Variants in UBE2G1 observed in about 807,000 individuals in gnomAD.
UBE2G1 encodes ubiquitin conjugating enzyme E2 G1.
UBE2G1 carries 5 observed loss-of-function variants against 22.7 expected under a neutral mutation model. That is an observed-to-expected ratio of 0.22 (90% CI 0.12 to 0.46). UBE2G1 has a LOEUF of 0.46. Among genes scored for constraint, UBE2G1 ranks in the 20% least tolerant of loss-of-function variants. The pLI is 0.99. For synonymous variants in UBE2G1, 74 were observed against 67.5 expected, an observed-to-expected ratio of 1.10 and a Z score of -0.47; for missense variants, 88 against 203.9, an observed-to-expected ratio of 0.43 and a Z score of 3.46.
At chr17:4,274,141 C>A (rs1380755993) in intron 5 of UBE2G1, among the ~76,000 whole-genome samples, 3 of 150,236 alleles carry the variant, frequency 2.0e-5, no homozygotes, top group Non-Finnish European at 4.4e-5. Context: ...CCACCACACC[C>A]GGCTAATTTA....
intron 3 of UBE2G1, among the ~76,000 whole-genome samples, chr17:4,290,490 G>A (rs1331773525): frequency 6.6e-6 from 1 of 151,894 alleles, no homozygotes; most frequent in East Asian, 1.9e-4. Context: ...TTGGTTTTTT[G>A]AGACAGGGCC....
chr17:4,289,058 GTAAA>G (rs778575088), intron 4 of UBE2G1, among the ~76,000 whole-genome samples, 168 bp downstream of exon 4: 11 of 151,078 alleles, frequency 7.3e-5, no homozygotes, highest in African/African-American at 4.9e-5. Flanking sequence ...AAATAAATAC[GTAAA>G]TAAATATATT....
intron 3 of UBE2G1, among the ~76,000 whole-genome samples, chr17:4,293,318 C>G (rs1969066532): frequency 6.6e-6 from 1 of 152,180 alleles, no homozygotes; most frequent in Admixed American, 6.5e-5. Flanking sequence ...ATCACTACTT[C>G]ATTTCTTTCT....
intron 1 of UBE2G1, among the ~76,000 whole-genome samples, chr17:4,362,831 C>T (rs1420349998): frequency 6.6e-6 from 1 of 152,124 alleles, no homozygotes; most frequent in Non-Finnish European, 1.5e-5. Context: ...CACTGCGCTC[C>T]AGTCTGGGTG....
At chr17:4,338,867 T>C (rs193002841) in intron 1 of UBE2G1, among the ~76,000 whole-genome samples, 4 of 152,262 alleles carry the variant, frequency 2.6e-5, no homozygotes, top group African/African-American at 7.2e-5. Context: ...CTTCAGCGGC[T>C]AGATAACCAA....
chr17:4,282,772 A>C, intron 5 of UBE2G1, 26 bp downstream of exon 5: 1 of 1,480,544 alleles, frequency 6.8e-7, no homozygotes, highest in Non-Finnish European at 9.2e-7. Context: ...AAAAAAACAA[A>C]AGTATGATAT....
At chr17:4,337,339 GA>G (rs113312717) in intron 1 of UBE2G1, among the ~76,000 whole-genome samples, 3 of 143,988 alleles carry the variant, frequency 2.1e-5, no homozygotes, top group African/African-American at 7.8e-5. Flanking sequence ...AAAAAGAAAA[GA>G]AAAGAAAGAA....
intron 1 of UBE2G1, among the ~76,000 whole-genome samples, chr17:4,362,265 G>C (rs1969977798): frequency 3.3e-5 from 5 of 152,060 alleles, no homozygotes; most frequent in Admixed American, 2.6e-4. Context: ...AATCTGTTAG[G>C]TGTCTTTATT....
intron 1 of UBE2G1, among the ~76,000 whole-genome samples, chr17:4,362,181 C>T (rs1279036240): frequency 1.3e-5 from 2 of 152,038 alleles, no homozygotes; most frequent in African/African-American, 2.4e-5. Context: ...GAATTGCCAC[C>T]GCTCAATTTG....
rs994626106 is a variant in UBE2G1, at chr17:4,271,746, T to G, written c.*808A>C. On this transcript the variant is annotated 3_prime_UTR_variant, in exon 6 of 6. Transcript: ENST00000396981. ...ATTGTTTGGGGAAATTTTCAGTAAG[T>G]TGAATTAAGAACCATCTATTTTTAG... The G allele has an allele frequency of 3.4e-5, 5 of 148,750 alleles. No homozygotes were observed. Among genetic ancestry groups the G allele is most frequent in the African/African-American group, 1.2e-4 (5 of 40,130 alleles). The allele number at this position is 148,750 out of a possible 1,614,324, so 9.2% of individuals were successfully genotyped here.
At chr17:4,325,235 T>C (rs574472587) in intron 1 of UBE2G1, among the ~76,000 whole-genome samples, 62 of 152,262 alleles carry the variant, frequency 4.1e-4, no homozygotes, top group African/African-American at 1.1e-3. Flanking sequence ...TCTAAACCCA[T>C]AGAATGTACA....
At chr17:4,361,698 G>A (rs928473617) in intron 1 of UBE2G1, among the ~76,000 whole-genome samples, 8 of 151,782 alleles carry the variant, frequency 5.3e-5, no homozygotes, top group Admixed American at 1.3e-4. Context: ...CAGCACTTTC[G>A]TAAGCTGAGG....
At chr17:4,323,997 G>A (rs891151293) in intron 1 of UBE2G1, among the ~76,000 whole-genome samples, 7 of 152,164 alleles carry the variant, frequency 4.6e-5, no homozygotes, top group Non-Finnish European at 8.8e-5. Flanking sequence ...AAAGGTCACT[G>A]GAGAACAGAA....
intron 1 of UBE2G1, among the ~76,000 whole-genome samples, chr17:4,319,957 A>C (rs760400385): frequency 6.6e-6 from 1 of 151,954 alleles, no homozygotes; most frequent in Admixed American, 6.6e-5. Flanking sequence ...CATGAATGCT[A>C]TAAGCTTTTA....
chr17:4,337,966 C>G (rs904309424), intron 1 of UBE2G1, among the ~76,000 whole-genome samples: 1 of 151,856 alleles, frequency 6.6e-6, no homozygotes, highest in African/African-American at 2.4e-5. Flanking sequence ...GTCAGGAGAT[C>G]AAGACCATCC....
At chr17:4,363,165 T>C (rs1215793046) in intron 1 of UBE2G1, among the ~76,000 whole-genome samples, 1 of 152,220 alleles carries the variant, frequency 6.6e-6, no homozygotes, top group Non-Finnish European at 1.5e-5. Context: ...TGTGTAGTTA[T>C]CGAATCTTTC....
At chr17:4,281,434 G>GGACA (rs1968890425) in intron 5 of UBE2G1, among the ~76,000 whole-genome samples, 1 of 152,124 alleles carries the variant, frequency 6.6e-6, no homozygotes, top group African/African-American at 2.4e-5. Flanking sequence ...GGAGTGTAGG[G>GGACA]GACAGAAGAT....
At position 4,298,592 on chromosome 17, in the gene UBE2G1, T is replaced by C. The variant is rs577334722; in HGVS notation, c.150-1778A>G. Among the ~76,000 whole-genome samples, 3 of 152,224 alleles carry C rather than the reference T, an allele frequency of 2.0e-5. No homozygotes were observed. The South Asian group carries it at 6.2e-4, about 32-fold the overall frequency. On this transcript the variant is annotated intron_variant, in intron 2 of 5. Transcript: ENST00000396981. Reference sequence around the variant, plus strand: ...TTAACACCAAACATTTCTGAATAATTAGGAAATGCCACAGGACTCAGAGTA... The same window carrying C: ...TTAACACCAAACATTTCTGAATAATCAGGAAATGCCACAGGACTCAGAGTA...
At chr17:4,344,601 A>C (rs1969748626) in intron 1 of UBE2G1, among the ~76,000 whole-genome samples, 1 of 151,640 alleles carries the variant, frequency 6.6e-6, no homozygotes, top group Non-Finnish European at 1.5e-5. Flanking sequence ...GCGGTGACTC[A>C]CACCTGTAAT....
Sources: gnomAD v4.1 joint callset for allele counts (sites outside exome capture counted in the v4.1 genomes callset) on GRCh38, gnomAD v4.1.1 for gene constraint, MANE v1.5 for transcripts, NCBI Gene and HGNC (gene_info 2026-07-23, HGNC 2026-07-21) for gene names.